E4F1: variants seen among roughly 807,000 people sequenced by gnomAD.
E4F1 encodes transcription factor E4F1.
A neutral mutation model predicts 72.9 loss-of-function variants in E4F1; 30 were observed. The ratio of observed to expected loss-of-function variants is 0.41; its 90% CI spans 0.31 to 0.56. The LOEUF is 0.56. Ranked by LOEUF, E4F1 falls within the 20% of genes least tolerant of loss-of-function variation. The pLI is 0.25. For synonymous variants in E4F1, 542 were observed against 478.2 expected (o/e 1.13, Z -1.74); for missense variants, 1,091 against 1,117.5 (o/e 0.98, Z 0.34).
In E4F1 at chr16:2,233,620, G is replaced by A. The variant is rs747307359; in HGVS notation, c.1239G>A (p.Pro413=). 25 of 1,516,656 alleles carry A rather than the reference G, an allele frequency of 1.6e-5. No homozygotes were observed. In the South Asian group the frequency reaches 1.7e-4, roughly 10 times the overall value. The allele number at this position is 1,516,656 out of a possible 1,614,324, so 93.9% of individuals were successfully genotyped here. Reference sequence around the variant, plus strand: ...TGGCAGTGGCAGCCCCGCAGCTGCCGGTACTGGAAGTGCAGCCGCTGGAGA... The same window carrying A: ...TGGCAGTGGCAGCCCCGCAGCTGCCAGTACTGGAAGTGCAGCCGCTGGAGA... ...QPLAVAAPQL[P]VLEVQPLETQ... is the part of the protein sequence containing the mutation. Residue 413 remains proline, a synonymous_variant, in exon 8 of 14, where the codon CCG becomes CCA. Transcript: ENST00000301727.
chr16:2,235,006 G>T lies in E4F1; in HGVS notation c.1935+5G>T. ...ACCCAGGAGTATATCATCGAGGTGG[G>T]TGTGGGGCCCTGGGGCCGTGCTGGG... On this transcript the variant is annotated splice_donor_5th_base_variant and intron_variant, in intron 12 of 13. Transcript: ENST00000301727. 1 of 1,611,684 alleles carries T rather than the reference G, an allele frequency of 6.2e-7. No homozygotes were observed. Among genetic ancestry groups the T allele is most frequent in the East Asian group, 2.2e-5 (1 of 44,844 alleles).
Position 2,235,395 on chromosome 16 carries a change from G to A in E4F1, c.2178G>A (p.Thr726=), listed in dbSNP as rs576046901. Residue 726 remains threonine, a synonymous_variant, in exon 14 of 14, where the codon ACG becomes ACA. Transcript: ENST00000301727. ...PESLTEQVAM[T]LASAISEGTV... ...GCCTGACAGAGCAGGTGGCCATGACGCTGGCCTCGGCCATCAGCGAGGGCA... is the reference window on the plus strand; with the variant it reads ...GCCTGACAGAGCAGGTGGCCATGACACTGGCCTCGGCCATCAGCGAGGGCA... The A allele has an allele frequency of 6.2e-6, 10 of 1,611,390 alleles. No individual in the cohort carries two copies. In the African/African-American group the frequency reaches 8.0e-5, roughly 13 times the overall value.
chr16:2,234,941 GCA>G lies in E4F1; in HGVS notation c.1880_1881del (p.Thr627SerfsTer11). The G allele has an allele frequency of 1.3e-6, 2 of 1,577,688 alleles. No individual in the cohort carries two copies. Among genetic ancestry groups the G allele is most frequent in the Non-Finnish European group, 1.7e-6 (2 of 1,161,592 alleles). Reference sequence around the variant, plus strand: ...CCACCACCGTCCTCACGGAAGACCCGCACACAGTGTTGGTGGAGTTCTCGTCC... The same window carrying G: ...CCACCACCGTCCTCACGGAAGACCCGCACAGTGTTGGTGGAGTTCTCGTCC... ...AATTVLTEDP[H>X]TVLVEFSSVV... On this transcript the variant is annotated frameshift_variant, in exon 12 of 14. Coordinates refer to ENST00000301727, the MANE Select transcript of E4F1 (RefSeq NM_004424.5). LOFTEE classifies it high-confidence loss of function.
At chr16:2,223,974 T>C in intron 1 of E4F1, 1 of 1,505,268 alleles carries the variant, frequency 6.6e-7, no homozygotes, top group Non-Finnish European at 8.8e-7. Flanking sequence ...GCGCCTGTCA[T>C]CCCCCCTCTC....
In E4F1 at chr16:2,234,932, G is replaced by C. The variant is rs780354367; in HGVS notation, c.1866G>C (p.Thr622=). 1.9e-5 allele frequency: 30 copies of C among 1,567,972 alleles called. No homozygotes were observed. The South Asian group carries it at 2.8e-4, about 15-fold the overall frequency. The change falls in exon 12 of 14, where the codon ACG becomes ACC. Residue 622 remains threonine, a synonymous_variant. Coordinates refer to ENST00000301727, the MANE Select transcript of E4F1 (RefSeq NM_004424.5). The part of the protein sequence containing the change: ...DSPAAATTVL[T]EDPHTVLVEF... ...CCGCGGCAGCCACCACCGTCCTCAC[G>C]GAAGACCCGCACACAGTGTTGGTGG... is the stretch of plus-strand genomic sequence containing the variant.
In E4F1 at chr16:2,234,618, G is replaced by A; in HGVS notation, c.1629G>A (p.Glu543=). ...AGGTGCACTTCAGGACACACCTGGA[G>A]GAGAAGCCGCACGTGTGCCAGTTCT... ...AQQVHFRTHL[E]EKPHVCQFCS... Residue 543 remains glutamate (E), a synonymous_variant, in exon 11 of 14, where the codon GAG becomes GAA. Transcript: ENST00000301727. 2 of 1,600,878 alleles carry A rather than the reference G, an allele frequency of 1.2e-6. No individual in the cohort carries two copies. Among genetic ancestry groups the A allele is most frequent in the Non-Finnish European group, 1.7e-6 (2 of 1,174,318 alleles).
rs772602738 is a variant in E4F1, at chr16:2,235,566, C to T, written c.2349C>T (p.Ile783=). 8.8e-6 allele frequency: 14 copies of T among 1,592,736 alleles called. No individual in the cohort carries two copies. The highest frequency in any genetic ancestry group is 2.2e-5 in the South Asian group (2 of 89,082). ...GCCAGCTGGAGGTGCAGACGGTCAT[C>T]GTCTAGCATGAGGTCTGCGGGGTCC... The part of the protein sequence containing the change: ...PEGQLEVQTV[I]V Residue 783 remains isoleucine (I), a synonymous_variant, in exon 14 of 14, where the codon ATC becomes ATT. Coordinates refer to ENST00000301727, the MANE Select transcript of E4F1 (RefSeq NM_004424.5).
At chr16:2,228,637 A>G (rs2093447148) in intron 2 of E4F1, 114 bp downstream of exon 2, 16 of 1,344,344 alleles carry the variant, frequency 1.2e-5, no homozygotes, top group Non-Finnish European at 1.5e-5. Flanking sequence ...GTGGGCGGGC[A>G]GAGGGCAGGC....
chr16:2,228,281 A>G, intron 1 of E4F1, 91 bp from the exon 2 acceptor site: 1 of 1,538,380 alleles, frequency 6.5e-7, no homozygotes, highest in Non-Finnish European at 8.9e-7. Context: ...TCCTGGGGGA[A>G]TCTGTTCTAG....
intron 13 of E4F1, 29 bp downstream of exon 13, chr16:2,235,172 AG>A (rs2093499234): frequency 1.2e-6 from 2 of 1,610,496 alleles, no homozygotes; most frequent in African/African-American, 1.3e-5. Flanking sequence ...GGGGGCGGGG[AG>A]GCTCCCTGGC....
At chr16:2,234,121 T>C (rs1567304323) in intron 9 of E4F1, 50 bp from the exon 10 acceptor site, 2 of 1,595,108 alleles carry the variant, frequency 1.3e-6, no homozygotes, top group Non-Finnish European at 1.7e-6. Context: ...GCAGGCGGCC[T>C]GGCGGGCCCG....
Position 2,229,300 on chromosome 16 carries a change from G to A in E4F1, c.310-270G>A, listed in dbSNP as rs138679168. 1.1e-3 allele frequency among the ~76,000 whole-genome samples: 162 copies of A among 152,376 alleles called. 1 individual carries two copies. Among genetic ancestry groups the A allele is most frequent in the African/African-American group, 3.8e-3 (158 of 41,590 alleles). ...GAGTTGCTGCTCCCTCCCTGCAGGCGCCCTGTGCTCCAGGTCCAGCCCACG... is the reference window on the plus strand; with the variant it reads ...GAGTTGCTGCTCCCTCCCTGCAGGCACCCTGTGCTCCAGGTCCAGCCCACG... On this transcript the variant is annotated intron_variant, in intron 2 of 13. Transcript: ENST00000301727.
chr16:2,223,993 G>T, intron 1 of E4F1: 1 of 1,470,196 alleles, frequency 6.8e-7, no homozygotes, highest in Non-Finnish European at 9.0e-7. Flanking sequence ...TCTGGTGTGC[G>T]TCCACAAGTG....
intron 1 of E4F1, among the ~76,000 whole-genome samples, chr16:2,224,737 C>T (rs1041196733): frequency 1.3e-5 from 2 of 152,022 alleles, no homozygotes; most frequent in Admixed American, 1.3e-4. Flanking sequence ...GAGCCGAGAC[C>T]GCGCCACTGC....
rs777878673 is a variant in E4F1, at chr16:2,233,503, C to T, written c.1122C>T (p.Ala374=). Residue 374 remains alanine (A), a synonymous_variant, in exon 8 of 14, where the codon GCC becomes GCT. Transcript: ENST00000301727. Reference sequence around the variant, plus strand: ...GCCGTGAGAACCTGCTGCACCAGGCCATGCAGAACTCCGGCATCGTCCTTG... The same window carrying T: ...GCCGTGAGAACCTGCTGCACCAGGCTATGCAGAACTCCGGCATCGTCCTTG... ...EGSRENLLHQ[A]MQNSGIVLER... The T allele has an allele frequency of 6.6e-7, 1 of 1,513,260 alleles. No individual in the cohort carries two copies. Among genetic ancestry groups the T allele is most frequent in the East Asian group, 2.3e-5 (1 of 43,604 alleles). 93.7% of individuals were successfully genotyped at this position (1,513,260 alleles called of 1,614,324 possible).
Position 2,233,516 on chromosome 16 carries a change from G to C in E4F1, c.1135G>C (p.Gly379Arg). 6.6e-7 allele frequency: 1 copy of C among 1,518,396 alleles called. No homozygotes were observed. Among genetic ancestry groups the C allele is most frequent in the Non-Finnish European group, 8.8e-7 (1 of 1,134,180 alleles). 94.1% of individuals were successfully genotyped at this position (1,518,396 alleles called of 1,614,324 possible). Reference sequence around the variant, plus strand: ...GCTGCACCAGGCCATGCAGAACTCCGGCATCGTCCTTGAGCGCGCTGCTGG... The same window carrying C: ...GCTGCACCAGGCCATGCAGAACTCCCGCATCGTCCTTGAGCGCGCTGCTGG... ...NLLHQAMQNS[G>R]IVLERAAGEE... The change falls in exon 8 of 14, where the codon GGC becomes CGC. Residue 379 changes from glycine (G) to arginine (R), a missense_variant. Physicochemically the swap from Gly to Arg is moderately radical, Grantham distance 125. This residue lies in a region of E4F1 where 622 missense variants were observed against 628.0 expected (regional missense o/e 0.99). Coordinates refer to ENST00000301727, the MANE Select transcript of E4F1 (RefSeq NM_004424.5).
chr16:2,224,737 C>A (rs1041196733), intron 1 of E4F1, among the ~76,000 whole-genome samples: 1 of 152,022 alleles, frequency 6.6e-6, no homozygotes, highest in South Asian at 2.1e-4. Flanking sequence ...GAGCCGAGAC[C>A]GCGCCACTGC....
intron 2 of E4F1, among the ~76,000 whole-genome samples, chr16:2,228,815 G>C (rs1160123177): frequency 6.6e-6 from 1 of 152,174 alleles, no homozygotes; most frequent in Non-Finnish European, 1.5e-5. Flanking sequence ...TTTGGCTCTG[G>C]GGTACCATGG....
intron 1 of E4F1, chr16:2,223,977 C>T (rs756374186): frequency 6.6e-7 from 1 of 1,506,932 alleles, no homozygotes; most frequent in African/African-American, 1.4e-5. Context: ...CCTGTCATCC[C>T]CCCTCTCTGG....
Sources: gnomAD v4.1 joint callset for allele counts (sites outside exome capture counted in the v4.1 genomes callset) on GRCh38, gnomAD v4.1.1 for gene constraint, gnomAD v4.1.1 regional missense constraint, MANE v1.5 for transcripts, NCBI Gene and HGNC (gene_info 2026-07-23, HGNC 2026-07-21) for gene names.